Variants in ZNF566 observed in about 807,000 individuals in gnomAD.
ZNF566 encodes the protein zinc finger protein 566.
Under a neutral mutation model 32.8 loss-of-function variants are expected in ZNF566, and 27 were observed. The observed-to-expected ratio is 0.82, with a 90% confidence interval of 0.61 to 1.14. The LOEUF (loss-of-function observed/expected upper bound fraction) is 1.14, where lower values mean the gene tolerates loss of function less well. ZNF566 is among the 50% of genes most tolerant of loss of function. The pLI, the probability that ZNF566 is intolerant of heterozygous loss-of-function variation, is 0.00. For synonymous variants in ZNF566, 154 were observed against 159.5 expected, an observed-to-expected ratio of 0.97 and a Z score of 0.26; for missense variants, 402 against 490.4, an observed-to-expected ratio of 0.82 and a Z score of 1.70.
chr19:36,460,640 G>A (rs957135578), intron 4 of ZNF566, among the ~76,000 whole-genome samples: 1 of 152,042 alleles, frequency 6.6e-6, no homozygotes. Flanking sequence ...ACTCAAAAAA[G>A]ATTTGAAGAA....
intron 4 of ZNF566, among the ~76,000 whole-genome samples, chr19:36,453,256 C>T (rs1370382190): frequency 2.0e-5 from 3 of 151,716 alleles, no homozygotes; most frequent in South Asian, 2.1e-4. Flanking sequence ...GTGCAGATCA[C>T]GAGGTCAAGA....
At chr19:36,476,452 T>TTCTC in intron 2 of ZNF566, 97 bp downstream of exon 2, 2 of 1,250,018 alleles carry the variant, frequency 1.6e-6, no homozygotes, top group Non-Finnish European at 2.3e-6. Flanking sequence ...GGTGTTGTTT[T>TTCTC]TCTAACATCA....
At chr19:36,478,008 C>T (rs1221483619) in intron 1 of ZNF566, among the ~76,000 whole-genome samples, 2 of 151,984 alleles carry the variant, frequency 1.3e-5, no homozygotes, top group African/African-American at 2.4e-5. Flanking sequence ...TAAAATTATA[C>T]AAACTATAAA....
In ZNF566 at chr19:36,449,873, C is replaced by G; in HGVS notation, c.361G>C (p.Asp121His). 1 of 1,614,138 alleles carries G rather than the reference C, an allele frequency of 6.2e-7. No individual in the cohort carries two copies. Among genetic ancestry groups the G allele is most frequent in the South Asian group, 1.1e-5 (1 of 91,086 alleles). Reference sequence around the variant, plus strand: ...TTAAACTGCCGATTACATTCCCAATCATCTCTGAAACTGGAGCACTGAAAA... The same window carrying G: ...TTAAACTGCCGATTACATTCCCAATGATCTCTGAAACTGGAGCACTGAAAA... ...RDFQCSSFRD[D>H]WECNRQFKKE... The change falls in exon 5 of 5, where the codon GAT becomes CAT. Residue 121 changes from aspartate to histidine, a missense_variant. Physicochemically the swap from Asp to His is moderately conservative, Grantham distance 81. Around this residue, in one of 3 missense-constraint regions of ZNF566, gnomAD observed 220 missense variants for 241.9 expected, o/e 0.91. Coordinates refer to ENST00000452939, the MANE Select transcript of ZNF566 (RefSeq NM_001145344.1).
Position 36,467,790 on chromosome 19 carries a change from C to CAAAAAAAAAAAAAAAAAA in ZNF566, c.232+5103_232+5120dup, listed in dbSNP as rs560803094. Among the ~76,000 whole-genome samples the CAAAAAAAAAAAAAAAAAA allele has an allele frequency of 2.0e-4, 17 of 85,924 alleles. 1 individual carries two copies. Among genetic ancestry groups the CAAAAAAAAAAAAAAAAAA allele is most frequent in the Non-Finnish European group, 3.2e-4 (15 of 46,884 alleles). 56.4% of individuals were successfully genotyped at this position (85,924 alleles called of 152,430 possible). ...TGGGTGACAGAGCGAGACTCCATCTCAAAAAAAAAAAAAAAAAAAAAAAAA... is the reference window on the plus strand; with the variant it reads ...TGGGTGACAGAGCGAGACTCCATCTCAAAAAAAAAAAAAAAAAAAAAAAAAAAAAAAAAAAAAAAAAAA... On this transcript the variant is annotated intron_variant, in intron 4 of 4. Coordinates refer to ENST00000452939, the MANE Select transcript of ZNF566 (RefSeq NM_001145344.1).
chr19:36,456,476 C>T (rs1232766469), intron 4 of ZNF566: 3 of 151,514 alleles, frequency 2.0e-5, no homozygotes, highest in Non-Finnish European at 4.4e-5. Flanking sequence ...TTGCTTGAAC[C>T]CGGGAGGCGT....
chr19:36,476,838 T>C (rs1377818160), intron 1 of ZNF566, among the ~76,000 whole-genome samples: 1 of 152,126 alleles, frequency 6.6e-6, no homozygotes, highest in East Asian at 1.9e-4. Context: ...TATGTTTATA[T>C]ACACACACAT....
At chr19:36,470,451 A>T (rs1471801113) in intron 4 of ZNF566, among the ~76,000 whole-genome samples, 1 of 152,126 alleles carries the variant, frequency 6.6e-6, no homozygotes, top group Non-Finnish European at 1.5e-5. Context: ...CTCTTCCTTG[A>T]AAAGATTTCA....
chr19:36,483,610 A>C (rs1600181726), intron 1 of ZNF566, among the ~76,000 whole-genome samples: 1 of 152,214 alleles, frequency 6.6e-6, no homozygotes, highest in South Asian at 2.1e-4. Context: ...AAAATAAATA[A>C]ATAATAATAA....
intron 4 of ZNF566, among the ~76,000 whole-genome samples, chr19:36,463,537 C>CTTT (rs56787323): frequency 1.9e-3 from 197 of 106,244 alleles, no homozygotes; most frequent in Non-Finnish European, 2.4e-3. Context: ...AATGTAATTT[C>CTTT]TTTTTTTTTT....
rs2032984024 is a variant in ZNF566, at chr19:36,446,007, T to C, written c.*2970A>G. 6.6e-6 allele frequency: 1 copy of C among 152,154 alleles called. No individual in the cohort carries two copies. The highest frequency in any genetic ancestry group is 6.6e-5 in the Admixed American group (1 of 15,262). 9.4% of individuals were successfully genotyped at this position (152,154 alleles called of 1,614,324 possible). A position where few individuals can be genotyped will look rare whatever the true frequency, so the allele number is the denominator to read the frequency against. ...TGGTAAATAACACTGTGGAACATACTGTAACCATCAGAAAGACTGTTAGAT... is the reference window on the plus strand; with the variant it reads ...TGGTAAATAACACTGTGGAACATACCGTAACCATCAGAAAGACTGTTAGAT... On this transcript the variant is annotated 3_prime_UTR_variant, in exon 5 of 5. Transcript: ENST00000452939.
chr19:36,449,980 G>T lies in ZNF566; in HGVS notation c.254C>A (p.Thr85Asn), dbSNP rs2033109502. 1.2e-6 allele frequency: 2 copies of T among 1,608,172 alleles called. No individual in the cohort carries two copies. The change falls in exon 5 of 5, where the codon ACC (threonine) becomes AAC (asparagine). Residue 85 changes from threonine to asparagine, a missense_variant. Coordinates refer to ENST00000452939, the MANE Select transcript of ZNF566 (RefSeq NM_001145344.1). ...TTCTTTCTTCAGAAATAATTTCTTG[G>T]TCTCACATCTTGATTCCAGGACTGA... The part of the protein sequence containing the change: ...QWPVLESRCE[T>N]KKLFLKKEIY...
chr19:36,476,670 C>T (rs2033894568), intron 1 of ZNF566, 54 bp from the exon 2 acceptor site: 2 of 1,435,716 alleles, frequency 1.4e-6, no homozygotes, highest in Admixed American at 4.3e-5. Flanking sequence ...CAGCTCCTGG[C>T]CCAGAATGAT....
In ZNF566 at chr19:36,486,067, G is replaced by T. The variant is rs986919198; in HGVS notation, c.-60+3419C>A. Among the ~76,000 whole-genome samples the T allele has an allele frequency of 2.8e-5, 4 of 144,498 alleles. No individual in the cohort carries two copies. The Admixed American group carries it at 2.8e-4, about 10-fold the overall frequency. 94.8% of individuals were successfully genotyped at this position (144,498 alleles called of 152,430 possible). ...TCCGTCTCAAAGAATAAGACAGAGAGAGAAAGAGAAAAGAAAAGAAAAAGA... is the reference window on the plus strand; with the variant it reads ...TCCGTCTCAAAGAATAAGACAGAGATAGAAAGAGAAAAGAAAAGAAAAAGA... On this transcript the variant is annotated intron_variant, in intron 1 of 4. Coordinates refer to ENST00000452939, the MANE Select transcript of ZNF566 (RefSeq NM_001145344.1).
rs2033034312 is a variant in ZNF566, at chr19:36,447,824, G to C, written c.*1153C>G. On this transcript the variant is annotated 3_prime_UTR_variant, in exon 5 of 5. Transcript: ENST00000452939. ...TGATGATGGGAAATTTTCTTAACTT[G>C]TTACCTTCAAAGGGTCTTTCTTCAG... The C allele has an allele frequency of 6.6e-6, 1 of 152,014 alleles. No individual in the cohort carries two copies. The highest frequency in any genetic ancestry group is 2.4e-5 in the African/African-American group (1 of 41,382). The allele number at this position is 152,014 out of a possible 1,614,324, so 9.4% of individuals were successfully genotyped here.
intron 4 of ZNF566, among the ~76,000 whole-genome samples, chr19:36,451,344 T>C (rs1416268943): frequency 6.6e-6 from 1 of 152,130 alleles, no homozygotes. Flanking sequence ...TGGACAGATA[T>C]GGTATATGTT....
In ZNF566 at chr19:36,467,790, C is replaced by CAAAAAAAAA. The variant is rs560803094; in HGVS notation, c.232+5112_232+5120dup. Among the ~76,000 whole-genome samples, 248 of 85,744 alleles carry CAAAAAAAAA rather than the reference C, an allele frequency of 2.9e-3. 2 individuals carry two copies. Among genetic ancestry groups the CAAAAAAAAA allele is most frequent in the East Asian group, 4.5e-3 (9 of 1,984 alleles). The allele number at this position is 85,744 out of a possible 152,430, so 56.3% of individuals were successfully genotyped here. A position where few individuals can be genotyped will look rare whatever the true frequency, so the allele number is the denominator to read the frequency against. On this transcript the variant is annotated intron_variant, in intron 4 of 4. Coordinates refer to ENST00000452939, the MANE Select transcript of ZNF566 (RefSeq NM_001145344.1). ...TGGGTGACAGAGCGAGACTCCATCT[C>CAAAAAAAAA]AAAAAAAAAAAAAAAAAAAAAAAAA...
intron 4 of ZNF566, among the ~76,000 whole-genome samples, chr19:36,452,554 T>A (rs979122342): frequency 6.7e-6 from 1 of 149,620 alleles, no homozygotes; most frequent in African/African-American, 2.5e-5. Context: ...TACTAGATCA[T>A]ATGGTAAAAA....
chr19:36,472,060 T>C (rs987059654), intron 4 of ZNF566, among the ~76,000 whole-genome samples: 1 of 152,184 alleles, frequency 6.6e-6, no homozygotes, highest in Non-Finnish European at 1.5e-5. Context: ...GTTCTATTCA[T>C]TACTGTAACC....
Sources: gnomAD v4.1 joint callset for allele counts (sites outside exome capture counted in the v4.1 genomes callset) on GRCh38, gnomAD v4.1.1 for gene constraint, gnomAD v4.1.1 regional missense constraint, MANE v1.5 for transcripts, NCBI Gene and HGNC (gene_info 2026-07-23, HGNC 2026-07-21) for gene names.